C1orf159: variants seen among roughly 807,000 people sequenced by gnomAD.
C1orf159 encodes uncharacterized protein C1orf159.
A neutral mutation model predicts 25.6 loss-of-function variants in C1orf159; 19 were observed. The ratio of observed to expected loss-of-function variants is 0.74; its 90% CI spans 0.52 to 1.09. The LOEUF (loss-of-function observed/expected upper bound fraction) is 1.09, where lower values mean the gene tolerates loss of function less well. Ranked by LOEUF, C1orf159 falls within the 50% of genes least tolerant of loss-of-function variation. C1orf159 has a pLI of 0.00. For synonymous variants in C1orf159, 139 were observed against 124.7 expected (o/e 1.12, Z -0.77); for missense variants, 274 against 290.6 (o/e 0.94, Z 0.42).
chr1:1,091,383 G>A, intron 3 of C1orf159, 89 bp downstream of exon 3: 4 of 1,223,850 alleles, frequency 3.3e-6, no homozygotes, highest in East Asian at 2.6e-5. Context: ...TCCTAAAGGT[G>A]GAAGGGTTAG....
In C1orf159 at chr1:1,082,207, C is replaced by T. The variant is rs3766191; in HGVS notation, c.*686G>A. The T allele has an allele frequency of 0.16, 24,012 of 152,948 alleles. 1,992 individuals carry two copies. The highest frequency in any genetic ancestry group is 0.21 in the South Asian group (1,011 of 4,850). 9.5% of individuals were successfully genotyped at this position (152,948 alleles called of 1,614,324 possible). ...GCCAGGCATGGGGGTCCAGCGGATCCGAGCGGGGCCACAGAGCTCTGGAGG... is the reference window on the plus strand; with the variant it reads ...GCCAGGCATGGGGGTCCAGCGGATCTGAGCGGGGCCACAGAGCTCTGGAGG... On this transcript the variant is annotated 3_prime_UTR_variant, in exon 10 of 10. Transcript: ENST00000421241.
intron 4 of C1orf159, 48 bp downstream of exon 4, chr1:1,090,305 A>C (rs1645907620): frequency 3.3e-6 from 5 of 1,526,688 alleles, no homozygotes; most frequent in Non-Finnish European, 2.7e-6. Context: ...CACACACACC[A>C]GTGGCTCAGG....
chr1:1,090,612 G>A (rs1645913911), intron 3 of C1orf159, 184 bp from the exon 4 acceptor site: 13 of 707,394 alleles, frequency 1.8e-5, no homozygotes, highest in Non-Finnish European at 2.6e-5. Flanking sequence ...GGGCCTCACA[G>A]CCACAGTGCA....
At chr1:1,100,267 G>C (rs1315960725) in intron 1 of C1orf159, among the ~76,000 whole-genome samples, 1 of 150,158 alleles carries the variant, frequency 6.7e-6, no homozygotes, top group Non-Finnish European at 1.5e-5. Context: ...GTAGATGTAG[G>C]TATGTTAATA....
intron 1 of C1orf159, among the ~76,000 whole-genome samples, chr1:1,102,678 G>A (rs1414600852): frequency 1.4e-5 from 2 of 143,596 alleles, no homozygotes; most frequent in Non-Finnish European, 3.0e-5. Flanking sequence ...GGCACCTGTA[G>A]TCCCAGCTAC....
In C1orf159 at chr1:1,084,518, A is replaced by G; in HGVS notation, c.446-12T>C. On this transcript the variant is annotated splice_polypyrimidine_tract_variant and intron_variant, in intron 7 of 9. Transcript: ENST00000421241. ...CTGCAGGGCCGGAGCTGTGGGGGAG[A>G]AAGCGGAGAGTCACCCTGGAGCCCA... The G allele has an allele frequency of 6.4e-7, 1 of 1,551,880 alleles. No individual in the cohort carries two copies. Among genetic ancestry groups the G allele is most frequent in the Non-Finnish European group, 8.7e-7 (1 of 1,148,028 alleles).
intron 1 of C1orf159, among the ~76,000 whole-genome samples, chr1:1,111,803 T>G (rs1646260468): frequency 6.6e-6 from 1 of 152,124 alleles, no homozygotes. Context: ...ACTGCATCCG[T>G]GTAGCTAATG....
At chr1:1,112,602 G>A (rs1433158365) in intron 1 of C1orf159, among the ~76,000 whole-genome samples, 1 of 151,674 alleles carries the variant, frequency 6.6e-6, no homozygotes, top group Non-Finnish European at 1.5e-5. Flanking sequence ...TGAATACACG[G>A]GGCATGCTCC....
At chr1:1,111,980 G>C (rs1415948196) in intron 1 of C1orf159, among the ~76,000 whole-genome samples, 1 of 152,190 alleles carries the variant, frequency 6.6e-6, no homozygotes, top group African/African-American at 2.4e-5. Context: ...CCCCTTTGTT[G>C]ACATGCATGG....
intron 1 of C1orf159, among the ~76,000 whole-genome samples, chr1:1,109,433 C>T (rs1388050786): frequency 6.6e-6 from 1 of 151,816 alleles, no homozygotes; most frequent in African/African-American, 2.4e-5. Flanking sequence ...TTTTCCTTTC[C>T]TCTTTTCTCC....
At position 1,081,876 on chromosome 1, in the gene C1orf159, GCCCAGGT is replaced by G. The variant is rs1391835029; in HGVS notation, c.*1010_*1016del. The G allele has an allele frequency of 6.6e-6, 1 of 152,340 alleles. No homozygotes were observed. Among genetic ancestry groups the G allele is most frequent in the East Asian group, 1.9e-4 (1 of 5,198 alleles). 9.4% of individuals were successfully genotyped at this position (152,340 alleles called of 1,614,324 possible). On this transcript the variant is annotated 3_prime_UTR_variant, in exon 10 of 10. Coordinates refer to ENST00000421241, the MANE Select transcript of C1orf159 (RefSeq NM_017891.5). This position sits in a 1 kb window ranked among gnomAD's most constrained non-coding sequence, Gnocchi z 7.1. ...ACCCAGTGCCCCCACGTTCCCGCTG[GCCCAGGT>G]CCCGGAGACCATGATGGCACCCACA...
chr1:1,090,172 C>A (rs1230842670), intron 4 of C1orf159, among the ~76,000 whole-genome samples, 181 bp downstream of exon 4: 1 of 152,208 alleles, frequency 6.6e-6, no homozygotes, highest in Non-Finnish European at 1.5e-5. Context: ...TCAAGGCCGC[C>A]CGCCAGAAAG....
intron 1 of C1orf159, among the ~76,000 whole-genome samples, chr1:1,095,896 T>C (rs375915382): frequency 1.1e-4 from 17 of 152,328 alleles, no homozygotes; most frequent in East Asian, 3.9e-4. Flanking sequence ...CAGGTATAAA[T>C]GTTTCCAAAT....
rs1645895981 is a variant in C1orf159 at position 1,089,732 on chromosome 1, GGCC to G, written c.148+618_148+620del. Among the ~76,000 whole-genome samples, 1 of 152,088 alleles carries G rather than the reference GGCC, an allele frequency of 6.6e-6. No individual in the cohort carries two copies. Among genetic ancestry groups the G allele is most frequent in the Non-Finnish European group, 1.5e-5 (1 of 68,004 alleles). On this transcript the variant is annotated intron_variant, in intron 4 of 9. Transcript: ENST00000421241. This position sits in a 1 kb window ranked among gnomAD's most constrained non-coding sequence, Gnocchi z 7.5. ...GCATCTCAGCCCCAAGTTCACCAAG[GGCC>G]GCCAAGGAGTGGCCCTTGCACCTTC...
chr1:1,084,590 C>G, intron 7 of C1orf159, 84 bp from the exon 8 acceptor site: 1 of 1,517,730 alleles, frequency 6.6e-7, no homozygotes, highest in Non-Finnish European at 8.9e-7. Context: ...GACAGCAGAG[C>G]GAGGAGCTGC....
rs1204855836 is a variant in C1orf159 at position 1,113,032 on chromosome 1, C to A, written c.-136+3028G>T. Among the ~76,000 whole-genome samples, 3 of 152,074 alleles carry A rather than the reference C, an allele frequency of 2.0e-5. No homozygotes were observed. In the East Asian group the frequency reaches 5.8e-4, roughly 29 times the overall value. ...CCAAAATGCAGAAACCCCTTCTCTA[C>A]TAAAATACAAAAAATTAGCCGGTTG... On this transcript the variant is annotated intron_variant, in intron 1 of 9. Transcript: ENST00000421241.
chr1:1,082,655 A>G lies in C1orf159; in HGVS notation c.*238T>C. 1 of 552,362 alleles carries G rather than the reference A, an allele frequency of 1.8e-6. No homozygotes were observed. Among genetic ancestry groups the G allele is most frequent in the Non-Finnish European group, 3.3e-6 (1 of 307,068 alleles). The allele number at this position is 552,362 out of a possible 1,614,324, so 34.2% of individuals were successfully genotyped here. A position where few individuals can be genotyped will look rare whatever the true frequency, so the allele number is the denominator to read the frequency against. On this transcript the variant is annotated 3_prime_UTR_variant, in exon 10 of 10. Coordinates refer to ENST00000421241, the MANE Select transcript of C1orf159 (RefSeq NM_017891.5). ...CCCAAGGCCTCGATCTGAAGCTCTG[A>G]GGTCTCATGGATGCCTGCTCCTGGT...
Position 1,082,821 on chromosome 1 carries a change from T to C in C1orf159, c.*72A>G. 1.5e-6 allele frequency: 2 copies of C among 1,366,458 alleles called. No individual in the cohort carries two copies. Among genetic ancestry groups the C allele is most frequent in the Non-Finnish European group, 2.0e-6 (2 of 979,664 alleles). 84.6% of individuals were successfully genotyped at this position (1,366,458 alleles called of 1,614,324 possible). On this transcript the variant is annotated 3_prime_UTR_variant, in exon 10 of 10. Coordinates refer to ENST00000421241, the MANE Select transcript of C1orf159 (RefSeq NM_017891.5). ...GGCGCCGGGCGATGCCAACACTTTG[T>C]GCTGGTTCCCGCCAAGGGGTCGGCC...
chr1:1,091,397 C>T (rs772485773), intron 3 of C1orf159, 75 bp downstream of exon 3: 16 of 1,364,080 alleles, frequency 1.2e-5, no homozygotes, highest in South Asian at 2.5e-5. Flanking sequence ...GGGTTAGACC[C>T]TCTAGGGGAA....
Sources: gnomAD v4.1 joint callset for allele counts (sites outside exome capture counted in the v4.1 genomes callset) on GRCh38, gnomAD v4.1.1 for gene constraint, Gnocchi (gnomAD v3.1) non-coding constraint, MANE v1.5 for transcripts, NCBI Gene and HGNC (gene_info 2026-07-23, HGNC 2026-07-21) for gene names.